The following MIPOL1 variants were observed in gnomAD, a reference collection of about 807,000 sequenced individuals.
The protein encoded by MIPOL1 is mirror-image polydactyly 1, also known as mirror-image polydactyly gene 1 protein.
MIPOL1 carries 57 observed loss-of-function variants against 60.9 expected under a neutral mutation model. That is an observed-to-expected ratio of 0.94 (90% CI 0.76 to 1.17). MIPOL1 has a LOEUF of 1.17. Among genes scored for constraint, MIPOL1 ranks in the 50% most tolerant of loss-of-function variants. MIPOL1 has a pLI of 0.00. For synonymous variants in MIPOL1, 179 were observed against 168.8 expected (o/e 1.06, Z -0.47); for missense variants, 551 against 511.6 (o/e 1.08, Z -0.74).
chr14:37,405,887 T>C (rs1049041698), intron 10 of MIPOL1, among the ~76,000 whole-genome samples: 3 of 146,636 alleles, frequency 2.0e-5, no homozygotes, highest in East Asian at 4.0e-4. Context: ...TAAAATATTT[T>C]CCTTTTTTAA....
intron 3 of MIPOL1, among the ~76,000 whole-genome samples, chr14:37,262,342 A>G (rs900367525): frequency 3.3e-5 from 5 of 152,112 alleles, no homozygotes; most frequent in Admixed American, 6.6e-5. Flanking sequence ...TTGAAAAAAG[A>G]CATCTTTTGT....
intron 10 of MIPOL1, among the ~76,000 whole-genome samples, chr14:37,418,284 T>C (rs2093807475): frequency 6.6e-6 from 1 of 152,184 alleles, no homozygotes; most frequent in South Asian, 2.1e-4. Flanking sequence ...AACAGTGTGG[T>C]CTTTTCTTTG....
intron 9 of MIPOL1, among the ~76,000 whole-genome samples, chr14:37,309,177 A>C (rs2087066862): frequency 6.6e-6 from 1 of 151,352 alleles, no homozygotes. Flanking sequence ...CTTGTTTCCC[A>C]GGCTGCTCTT....
At chr14:37,392,596 G>A (rs2093275628) in intron 10 of MIPOL1, among the ~76,000 whole-genome samples, 1 of 152,124 alleles carries the variant, frequency 6.6e-6, no homozygotes, top group Admixed American at 6.6e-5. Context: ...TCATTGCCTT[G>A]TTCTCTATCT....
At chr14:37,262,873 A>G (rs1241594416) in intron 3 of MIPOL1, among the ~76,000 whole-genome samples, 1 of 152,182 alleles carries the variant, frequency 6.6e-6, no homozygotes, top group Non-Finnish European at 1.5e-5. Context: ...CCAGGGGACC[A>G]TCAAATCCGT....
intron 9 of MIPOL1, among the ~76,000 whole-genome samples, chr14:37,367,774 G>T (rs1368728150): frequency 6.6e-6 from 1 of 151,952 alleles, no homozygotes; most frequent in Non-Finnish European, 1.5e-5. Flanking sequence ...AATTGAAAAT[G>T]TAAAGGATAA....
chr14:37,447,097 A>G (rs1394645402), intron 11 of MIPOL1, among the ~76,000 whole-genome samples: 2 of 151,904 alleles, frequency 1.3e-5, no homozygotes, highest in Non-Finnish European at 2.9e-5. Context: ...AAATAAAATA[A>G]TAAAAAAAGA....
At position 37,268,723 on chromosome 14, in the gene MIPOL1, A is replaced by G; in HGVS notation, c.317A>G (p.Asp106Gly). ...ECMTPCQVTS[D>G]SDKEKTIAFL... The stretch of plus-strand genomic sequence containing the variant: ...ATGACTCCTTGTCAAGTTACTTCAG[A>G]CTCAGATAAAGAGAAGACAATAGCA... The change falls in exon 5 of 13, where the codon GAC (aspartate) becomes GGC (glycine). Residue 106 changes from aspartate to glycine, a missense_variant. Physicochemically the swap from Asp to Gly is moderately conservative, Grantham distance 94. Transcript: ENST00000684589. 1 of 1,600,424 alleles carries G rather than the reference A, an allele frequency of 6.2e-7. No individual in the cohort carries two copies. The highest frequency in any genetic ancestry group is 1.1e-5 in the South Asian group (1 of 89,656).
At position 37,318,530 on chromosome 14, in the gene MIPOL1, C is replaced by G. The variant is rs146335534; in HGVS notation, c.828+10011C>G. On this transcript the variant is annotated intron_variant, in intron 9 of 12. Transcript: ENST00000684589. The stretch of plus-strand genomic sequence containing the variant: ...TATGCATGTTTTTCAGTCAGTCTTG[C>G]TAAAATATATTGTTGATAGTTCATC... Among the ~76,000 whole-genome samples the G allele has an allele frequency of 2.0e-3, 306 of 152,078 alleles. 2 individuals are homozygous for G. The highest frequency in any genetic ancestry group is 3.5e-3 in the Non-Finnish European group (238 of 67,974).
chr14:37,217,676 A>T (rs1008404484), intron 1 of MIPOL1, among the ~76,000 whole-genome samples: 1 of 152,232 alleles, frequency 6.6e-6, no homozygotes, highest in African/African-American at 2.4e-5. Flanking sequence ...AAAAGATTTG[A>T]TAAAATTCAG....
At chr14:37,438,702 G>A (rs957723389) in intron 11 of MIPOL1, among the ~76,000 whole-genome samples, 3 of 152,164 alleles carry the variant, frequency 2.0e-5, no homozygotes, top group Non-Finnish European at 4.4e-5. Flanking sequence ...ACCTGCTTTG[G>A]AGTTTAACAG....
At chr14:37,475,558 G>T (rs2094758756) in intron 11 of MIPOL1, among the ~76,000 whole-genome samples, 1 of 151,518 alleles carries the variant, frequency 6.6e-6, no homozygotes, top group Non-Finnish European at 1.5e-5. Context: ...TTTTTGTTTT[G>T]CTGTTATAGT....
chr14:37,476,650 G>A (rs2094778933), intron 11 of MIPOL1, among the ~76,000 whole-genome samples: 1 of 152,000 alleles, frequency 6.6e-6, no homozygotes, highest in Non-Finnish European at 1.5e-5. Context: ...ATGAGCATTG[G>A]ATTTTGTCAG....
intron 9 of MIPOL1, among the ~76,000 whole-genome samples, chr14:37,337,149 C>G (rs1300035512): frequency 6.6e-6 from 1 of 151,218 alleles, no homozygotes; most frequent in Non-Finnish European, 1.5e-5. Context: ...AGAATTCCCA[C>G]AAAACATTGT....
intron 11 of MIPOL1, among the ~76,000 whole-genome samples, chr14:37,443,901 A>T (rs926973461): frequency 6.6e-6 from 1 of 152,192 alleles, no homozygotes; most frequent in Non-Finnish European, 1.5e-5. Flanking sequence ...AGGAAGAGAA[A>T]ATAATCATTT....
intron 3 of MIPOL1, among the ~76,000 whole-genome samples, chr14:37,265,487 G>A (rs541932818): frequency 2.0e-5 from 3 of 152,158 alleles, no homozygotes; most frequent in East Asian, 1.9e-4. Flanking sequence ...TTCAATGAAC[G>A]ATCAGTAAAT....
At chr14:37,285,283 G>C (rs1448629196) in intron 6 of MIPOL1, 35 bp from the exon 7 acceptor site, 1 of 1,610,480 alleles carries the variant, frequency 6.2e-7, no homozygotes, top group East Asian at 2.2e-5. Flanking sequence ...CCTTTATTTT[G>C]TATGATTGAT....
rs2086580879 is a variant in MIPOL1, at chr14:37,304,144, TAA to T, written c.624-3910_624-3909del. Among the ~76,000 whole-genome samples, 3 of 151,932 alleles carry T rather than the reference TAA, an allele frequency of 2.0e-5. No individual in the cohort carries two copies. In the South Asian group the frequency reaches 6.2e-4, roughly 31 times the overall value. ...GCATCGAGTATACGATAAAATTATA[TAA>T]ATTGTTCACATCTTTTAAAAAAATT... is the stretch of plus-strand genomic sequence containing the variant. On this transcript the variant is annotated intron_variant, in intron 7 of 12. Coordinates refer to ENST00000684589, the MANE Select transcript of MIPOL1 (RefSeq NM_001388067.1).
chr14:37,438,175 C>G (rs1336071487), intron 11 of MIPOL1, among the ~76,000 whole-genome samples: 2 of 152,086 alleles, frequency 1.3e-5, no homozygotes, highest in Non-Finnish European at 2.9e-5. Flanking sequence ...TTGAGAAATT[C>G]AAATCTAATA....
Sources: allele counts gnomAD v4.1 joint callset (sites outside exome capture counted in the v4.1 genomes callset), GRCh38; gene constraint gnomAD v4.1.1; transcripts MANE v1.5; gene names NCBI Gene and HGNC (gene_info 2026-07-23, HGNC 2026-07-21).